The following DST variants were observed in gnomAD, a reference collection of about 807,000 sequenced individuals.
The protein encoded by DST is dystonin, also known as bullous pemphigoid antigen.
Under a neutral mutation model 875.2 loss-of-function variants are expected in DST, and 253 were observed. The ratio of observed to expected loss-of-function variants is 0.29; its 90% CI spans 0.26 to 0.32. The LOEUF (loss-of-function observed/expected upper bound fraction) is 0.32. DST is among the 10% of genes least tolerant of loss of function. The pLI, the probability that DST is intolerant of heterozygous loss-of-function variation, is 1.00. For synonymous variants in DST, 3,124 were observed against 3,197.1 expected, an observed-to-expected ratio of 0.98 and a Z score of 0.77; for missense variants, 8,287 against 9,111.6, an observed-to-expected ratio of 0.91 and a Z score of 3.68.
rs1320735075 is a variant in DST at position 56,604,895 on chromosome 6, T to C, written c.9733A>G (p.Asn3245Asp). 3.1e-6 allele frequency: 5 copies of C among 1,612,740 alleles called. No homozygotes were observed. Among genetic ancestry groups the C allele is most frequent in the Middle Eastern group, 1.7e-4 (1 of 6,060 alleles). ...DSPLNDMIQS[N>D]DLCSKESISG... is the part of the protein sequence containing the mutation. Reference sequence around the variant, plus strand: ...ATGCTTTCTTTACTACAAAGATCATTGCTTTGGATCATGTCATTAAGAGGT... The same window carrying C: ...ATGCTTTCTTTACTACAAAGATCATCGCTTTGGATCATGTCATTAAGAGGT... Residue 3245 changes from asparagine to aspartate, a missense_variant, in exon 40 of 104, where the codon AAT becomes GAT. This residue lies in a region of DST where 3,138 missense variants were observed against 3,116.6 expected (regional missense o/e 1.01). Transcript: ENST00000680361.
chr6:56,586,857 G>A (rs112388520), intron 49 of DST, among the ~76,000 whole-genome samples: 3,133 of 152,266 alleles, frequency 0.021, 114 homozygotes, highest in African/African-American at 0.069. Flanking sequence ...AGTCCTGTCC[G>A]TTACAAGGAA....
In DST at chr6:56,561,483, A is replaced by G; in HGVS notation, c.14135T>C (p.Leu4712Pro). 1 of 1,613,860 alleles carries G rather than the reference A, an allele frequency of 6.2e-7. No individual in the cohort carries two copies. Among genetic ancestry groups the G allele is most frequent in the Non-Finnish European group, 8.5e-7 (1 of 1,179,794 alleles). The change falls in exon 57 of 104, where the codon CTC becomes CCC. Residue 4712 changes from leucine to proline, a missense_variant. Physicochemically the swap from Leu to Pro is moderately conservative, Grantham distance 98 (BLOSUM62 -3). This residue lies in a region of DST where 1,513 missense variants were observed against 1,677.8 expected (regional missense o/e 0.90). Transcript: ENST00000680361. ...SHGYEDLGLL[L>P]KDKIAELNTK... ...GTTCAGTTCCGCTATTTTGTCCTTGAGTAAGAGGCCAAGATCTTCATAACC... is the reference window on the plus strand; with the variant it reads ...GTTCAGTTCCGCTATTTTGTCCTTGGGTAAGAGGCCAAGATCTTCATAACC...
At position 56,529,582 on chromosome 6, in the gene DST, A is replaced by G. The variant is rs763581947; in HGVS notation, c.17461T>C (p.Cys5821Arg). Residue 5821 changes from cysteine (C) to arginine (R), a missense_variant, in exon 66 of 104, where the codon TGT becomes CGT. Coordinates refer to ENST00000680361, the MANE Select transcript of DST (RefSeq NM_001374736.1). ...SRSELLQQAL[C>R]NAKIFGEDEV... Reference sequence around the variant, plus strand: ...TCTTCCCCAAAAATCTTAGCATTACATAAGGCCTGCTGGAGGAGCTCAGAC... The same window carrying G: ...TCTTCCCCAAAAATCTTAGCATTACGTAAGGCCTGCTGGAGGAGCTCAGAC... 2.5e-6 allele frequency: 4 copies of G among 1,613,876 alleles called. No individual in the cohort carries two copies. The East Asian group carries it at 6.7e-5, about 27-fold the overall frequency.
chr6:56,942,653 C>T (rs988006002), intron 2 of DST, among the ~76,000 whole-genome samples: 6 of 151,436 alleles, frequency 4.0e-5, no homozygotes, highest in Non-Finnish European at 8.8e-5. Flanking sequence ...ATACACCCCA[C>T]AGGACAATGT....
chr6:56,567,155 C>T (rs897168060), intron 55 of DST, among the ~76,000 whole-genome samples: 2 of 152,166 alleles, frequency 1.3e-5, no homozygotes, highest in Non-Finnish European at 2.9e-5. Flanking sequence ...ACTTTTATTA[C>T]ATAACAATCT....
rs947322258 is a variant in DST, at chr6:56,718,119, C to T, written c.688-13750G>A. On this transcript the variant is annotated intron_variant, in intron 5 of 103. Coordinates refer to ENST00000680361, the MANE Select transcript of DST (RefSeq NM_001374736.1). ...AATAAATAGGTGTGATGGTATGTAC[C>T]GGTAGTTCCAGCTACTTGGGAGGCT... Among the ~76,000 whole-genome samples, 11 of 151,970 alleles carry T rather than the reference C, an allele frequency of 7.2e-5. No homozygotes were observed. In the East Asian group the frequency reaches 7.7e-4, roughly 11 times the overall value.
At chr6:56,582,476 T>C (rs1430362954) in intron 49 of DST, among the ~76,000 whole-genome samples, 1 of 152,116 alleles carries the variant, frequency 6.6e-6, no homozygotes, top group Non-Finnish European at 1.5e-5. Flanking sequence ...GCACCATGAG[T>C]AAAAGTTCCC....
chr6:56,526,663 G>A (rs1002701563), intron 68 of DST, 96 bp from the exon 69 acceptor site: 2 of 1,107,750 alleles, frequency 1.8e-6, no homozygotes, highest in African/African-American at 3.1e-5. Flanking sequence ...GGCGAATAAT[G>A]TGATGCTTTG....
At chr6:56,511,493 T>C in intron 72 of DST, 93 bp from the exon 73 acceptor site, 1 of 1,060,912 alleles carries the variant, frequency 9.4e-7, no homozygotes, top group Non-Finnish European at 1.4e-6. Context: ...GGCAAGAAAC[T>C]CCAAACAAAC....
chr6:56,486,912 G>C (rs866433069), intron 87 of DST, among the ~76,000 whole-genome samples, 192 bp downstream of exon 87: 3 of 152,122 alleles, frequency 2.0e-5, no homozygotes, highest in Non-Finnish European at 2.9e-5. Flanking sequence ...TTATTGTAAT[G>C]AGTAGTTAAA....
chr6:56,932,358 G>C (rs1408255787), intron 2 of DST, among the ~76,000 whole-genome samples: 1 of 152,044 alleles, frequency 6.6e-6, no homozygotes, highest in African/African-American at 2.4e-5. Flanking sequence ...TTTTCTTCCA[G>C]AAAAAGTCTT....
chr6:56,786,342 C>A lies in DST; in HGVS notation c.626-51053G>T, dbSNP rs539949452. Among the ~76,000 whole-genome samples the A allele has an allele frequency of 3.9e-5, 6 of 152,314 alleles. No homozygotes were observed. In the South Asian group the frequency reaches 1.2e-3, roughly 32 times the overall value. The stretch of plus-strand genomic sequence containing the variant: ...GTTCTATTAGCAGATAGTAAGCCTG[C>A]ATTCTTCAGAATTTAACACTAATCT... On this transcript the variant is annotated intron_variant, in intron 4 of 103. Transcript: ENST00000680361.
chr6:56,477,395 T>C lies in DST; in HGVS notation c.21625A>G (p.Ile7209Val). Residue 7209 changes from isoleucine to valine, a missense_variant, in exon 91 of 104, where the codon ATC becomes GTC. Physicochemically the swap from Ile to Val is conservative, Grantham distance 29. Coordinates refer to ENST00000680361, the MANE Select transcript of DST (RefSeq NM_001374736.1). ...TVLAICHPDS[I>V]TTIKHWITII... is the part of the protein sequence containing the mutation. Reference sequence around the variant, plus strand: ...GTTATCCAGTGCTTAATGGTAGTGATGGAGTCGGGGTGGCAGATAGCCAAA... The same window carrying C: ...GTTATCCAGTGCTTAATGGTAGTGACGGAGTCGGGGTGGCAGATAGCCAAA... 6.2e-7 allele frequency: 1 copy of C among 1,613,982 alleles called. No individual in the cohort carries two copies. Among genetic ancestry groups the C allele is most frequent in the Non-Finnish European group, 8.5e-7 (1 of 1,179,876 alleles).
Position 56,593,973 on chromosome 6 carries a change from A to G in DST, c.12416T>C (p.Phe4139Ser). ...THSLQEELEK[F>S]DADYTEFEHW... ...CTCAAACTCGGTATAGTCAGCATCA[A>G]ACTTTTCTAATTCTTCCTGCAGAGA... The change falls in exon 48 of 104, where the codon TTT (phenylalanine) becomes TCT (serine). Residue 4139 changes from phenylalanine (F) to serine (S), a missense_variant. By Grantham distance (155) the Phe-to-Ser change is radical. This residue lies in a region of DST where 1,513 missense variants were observed against 1,677.8 expected (regional missense o/e 0.90). Transcript: ENST00000680361. The G allele has an allele frequency of 6.2e-7, 1 of 1,613,908 alleles. No homozygotes were observed. The highest frequency in any genetic ancestry group is 8.5e-7 in the Non-Finnish European group (1 of 1,179,874).
At position 56,497,861 on chromosome 6, in the gene DST, G is replaced by A. The variant is rs778539752; in HGVS notation, c.20089C>T (p.Arg6697Cys). Residue 6697 changes from arginine (R) to cysteine (C), a missense_variant, in exon 81 of 104, where the codon CGC becomes TGC. This residue lies in a region of DST where 1,292 missense variants were observed against 1,552.7 expected (regional missense o/e 0.83). Transcript: ENST00000680361. ...GAATTTATTCTCTTACTCACCTGGC[G>A]CAAGGCACCATCCAGCTGCTGCTTC... ...QRKQQLDGAL[R>C]QAKGFHGEIE... 2.4e-5 allele frequency: 39 copies of A among 1,605,408 alleles called. 1 individual carries two copies. The highest frequency in any genetic ancestry group is 3.3e-4 in the Middle Eastern group (2 of 6,038).
At chr6:56,729,547 C>T (rs1221960692) in intron 5 of DST, among the ~76,000 whole-genome samples, 8 of 148,466 alleles carry the variant, frequency 5.4e-5, no homozygotes, top group Non-Finnish European at 8.9e-5. Context: ...GCAGAGGTTG[C>T]GGTGAGCCGA....
intron 2 of DST, among the ~76,000 whole-genome samples, chr6:56,938,691 G>T (rs540597899): frequency 1.3e-5 from 2 of 152,308 alleles, no homozygotes; most frequent in South Asian, 4.2e-4. Context: ...CCAAAACAAT[G>T]TGTCAGCAGA....
chr6:56,953,990 C>A (rs1284011969), intron 1 of DST, among the ~76,000 whole-genome samples, 171 bp from the exon 2 acceptor site: 1 of 152,148 alleles, frequency 6.6e-6, no homozygotes, highest in Non-Finnish European at 1.5e-5. Flanking sequence ...TCGGTCTCTA[C>A]GTGATTTCTC....
chr6:56,641,154 T>C (rs1038291859), intron 17 of DST, among the ~76,000 whole-genome samples: 55 of 146,134 alleles, frequency 3.8e-4, no homozygotes, highest in Non-Finnish European at 9.0e-5. Flanking sequence ...AGAGAGGTTA[T>C]AGCCTGAAAT....
Sources: allele counts gnomAD v4.1 joint callset (sites outside exome capture counted in the v4.1 genomes callset), GRCh38; gene constraint gnomAD v4.1.1; regional missense constraint gnomAD v4.1.1; transcripts MANE v1.5; gene names NCBI Gene and HGNC (gene_info 2026-07-23, HGNC 2026-07-21).